SETD1A: variants seen among roughly 807,000 people sequenced by gnomAD.
SETD1A encodes the protein SET domain containing 1A, histone lysine methyltransferase.
Under a neutral mutation model 149.9 loss-of-function variants are expected in SETD1A, and 29 were observed. The observed-to-expected ratio is 0.19, with a 90% CI of 0.14 to 0.26. The LOEUF (loss-of-function observed/expected upper bound fraction) is 0.26, where lower values mean the gene tolerates loss of function less well. Ranked by LOEUF, SETD1A falls within the 10% of genes least tolerant of loss-of-function variation. The probability of loss-of-function intolerance (pLI) is 1.00; values close to 1 mark genes in which losing one functional copy is unlikely to be tolerated. For synonymous variants in SETD1A, 1,141 were observed against 968.5 expected, an observed-to-expected ratio of 1.18 and a Z score of -3.31; for missense variants, 2,109 against 2,353.1, an observed-to-expected ratio of 0.90 and a Z score of 2.15.
chr16:30,958,651 G>A, intron 1 of SETD1A, 66 bp from the exon 2 acceptor site: 1 of 1,407,124 alleles, frequency 7.1e-7, no homozygotes, highest in Admixed American at 1.8e-5. Context: ...GCTAGCCAAT[G>A]AGGAAAGGCA....
At chr16:30,977,148 G>C (rs367973865) in intron 13 of SETD1A, among the ~76,000 whole-genome samples, 2 of 152,200 alleles carry the variant, frequency 1.3e-5, no homozygotes, top group African/African-American at 4.8e-5. Flanking sequence ...ATTTCACCAT[G>C]TTGGTCAGGA....
chr16:30,980,874 TGGGTG>T lies in SETD1A; in HGVS notation c.4692+39_4692+43del. The T allele has an allele frequency of 2.7e-5, 3 of 113,034 alleles. No homozygotes were observed. The highest frequency in any genetic ancestry group is 5.6e-5 in the Non-Finnish European group (3 of 53,410). The allele number at this position is 113,034 out of a possible 1,614,324, so 7.0% of individuals were successfully genotyped here. On this transcript the variant is annotated intron_variant, in intron 16 of 18. Transcript: ENST00000262519. The surrounding 1 kb of genome is among the most constrained non-coding windows in gnomAD (Gnocchi z 7.7). ...GGTGAGGCTGGGCTGCAGGAGGGGCTGGGTGGGGTGGGGTGGGGCAGGAAGGGGCA... is the reference window on the plus strand; with the variant it reads ...GGTGAGGCTGGGCTGCAGGAGGGGCTGGGTGGGGTGGGGCAGGAAGGGGCA...
In SETD1A at chr16:30,979,474, C is replaced by T. The variant is rs775225592; in HGVS notation, c.3688C>T (p.Arg1230Trp). 9.6e-5 allele frequency: 153 copies of T among 1,599,184 alleles called. 1 individual carries two copies. The South Asian group carries it at 1.1e-3, about 11-fold the overall frequency. The change falls in exon 14 of 19, where the codon CGG becomes TGG. Residue 1230 changes from arginine to tryptophan, a missense_variant. Physicochemically the swap from Arg to Trp is moderately radical, Grantham distance 101 (BLOSUM62 -3). Around this residue, in one of 8 missense-constraint regions of SETD1A, gnomAD observed 832 missense variants for 815.6 expected, o/e 1.02. Coordinates refer to ENST00000262519, the MANE Select transcript of SETD1A (RefSeq NM_014712.3). ...SWPEEVSRGG[R>W]SRAGGRGRLT... ...GCCCGAGGAGGTGTCCCGAGGAGGC[C>T]GGAGCCGGGCTGGAGGCCGAGGCCG...
intron 13 of SETD1A, among the ~76,000 whole-genome samples, chr16:30,974,655 T>G (rs565202179): frequency 6.6e-6 from 1 of 152,094 alleles, no homozygotes; most frequent in Non-Finnish European, 1.5e-5. Context: ...TTACAGGGTG[T>G]TAAGGAATGA....
Position 30,966,380 on chromosome 16 carries a change from G to A in SETD1A, c.2499G>A (p.Lys833=), listed in dbSNP as rs576366891. The stretch of plus-strand genomic sequence containing the variant: ...AGTGGTGGGAGAGCAAGGAGGAGAA[G>A]GCCAAGGTGAGGCCAGCGCCTGGGA... The part of the protein sequence containing the change: ...FDQWWESKEE[K]AKPFQNAAKQ... Residue 833 remains lysine, a synonymous_variant, in exon 8 of 19, where the codon AAG becomes AAA. Transcript: ENST00000262519. 6.2e-7 allele frequency: 1 copy of A among 1,606,332 alleles called. No individual in the cohort carries two copies. Among genetic ancestry groups the A allele is most frequent in the South Asian group, 1.1e-5 (1 of 90,322 alleles).
chr16:30,971,355 G>T (rs1257702142), intron 12 of SETD1A, 23 bp from the exon 13 acceptor site: 1 of 1,560,032 alleles, frequency 6.4e-7, no homozygotes, highest in African/African-American at 1.3e-5. Flanking sequence ...CACCTCTCCT[G>T]ACTGCCCCTT....
intron 3 of SETD1A, among the ~76,000 whole-genome samples, chr16:30,959,728 T>G (rs553209051): frequency 6.8e-6 from 1 of 146,014 alleles, no homozygotes; most frequent in Non-Finnish European, 1.5e-5. Context: ...AAATTGTTTG[T>G]GGGGTCCCTT....
In SETD1A at chr16:30,979,892, G is replaced by T; in HGVS notation, c.4106G>T (p.Gly1369Val). ...EEGEEEGEEEGEEEEEESSDS... is the reference protein window; with the variant it reads ...EEGEEEGEEEVEEEEEESSDS... ...GGCGAAGAGGAGGGGGAGGAAGAGG[G>T]GGAGGAAGAGGAGGAGGAGTCCTCT... Residue 1369 changes from glycine (G) to valine (V), a missense_variant, in exon 14 of 19, where the codon GGG (glycine) becomes GTG (valine). This residue lies in a region of SETD1A where 832 missense variants were observed against 815.6 expected (regional missense o/e 1.02). Coordinates refer to ENST00000262519, the MANE Select transcript of SETD1A (RefSeq NM_014712.3). 4 of 1,534,356 alleles carry T rather than the reference G, an allele frequency of 2.6e-6. No homozygotes were observed. The highest frequency in any genetic ancestry group is 3.5e-6 in the Non-Finnish European group (4 of 1,146,224).
At chr16:30,962,397 C>T (rs1242793027) in intron 4 of SETD1A, among the ~76,000 whole-genome samples, 1 of 152,060 alleles carries the variant, frequency 6.6e-6, no homozygotes, top group African/African-American at 2.4e-5. Context: ...TATTCTATAA[C>T]CCATATAGGT....
intron 8 of SETD1A, 29 bp downstream of exon 8, chr16:30,966,415 C>T: frequency 6.4e-7 from 1 of 1,568,834 alleles, no homozygotes; most frequent in Non-Finnish European, 8.6e-7. Flanking sequence ...ACCGGGGAGC[C>T]CTGGGCTTTG....
chr16:30,975,463 T>C (rs1469806705), intron 13 of SETD1A, among the ~76,000 whole-genome samples: 1 of 146,370 alleles, frequency 6.8e-6, no homozygotes, highest in Non-Finnish European at 1.5e-5. Flanking sequence ...TGGAGTCTCA[T>C]TGTGTTACCC....
At chr16:30,968,726 G>A (rs111935720) in intron 10 of SETD1A, among the ~76,000 whole-genome samples, 88 of 151,768 alleles carry the variant, frequency 5.8e-4, no homozygotes, top group African/African-American at 2.0e-3. Flanking sequence ...GCTTGAACCC[G>A]GGAGGCAGAG....
intron 3 of SETD1A, among the ~76,000 whole-genome samples, chr16:30,959,786 G>T (rs2056023995): frequency 6.7e-6 from 1 of 148,564 alleles, no homozygotes; most frequent in African/African-American, 2.5e-5. Flanking sequence ...ACTTCACTTG[G>T]ACAATCTCTT....
chr16:30,969,729 A>AG (rs1204532841), intron 12 of SETD1A, 40 bp downstream of exon 12: 2 of 1,543,976 alleles, frequency 1.3e-6, no homozygotes, highest in Non-Finnish European at 1.8e-6. Flanking sequence ...GGCTCGGAGG[A>AG]GGGGTTCGGC....
intron 2 of SETD1A, 29 bp from the exon 3 acceptor site, chr16:30,959,062 T>C: frequency 6.4e-7 from 1 of 1,555,924 alleles, no homozygotes. Context: ...CACCCTGAGC[T>C]CTCTTTCTGC....
Position 30,980,433 on chromosome 16 carries a change from C to T in SETD1A, c.4409-52C>T. Reference sequence around the variant, plus strand: ...GCGTGGGCCCCGCCCTCTCCTTTGGCTGGGACGCAGGTGGCCAGAGAGGAG... The same window carrying T: ...GCGTGGGCCCCGCCCTCTCCTTTGGTTGGGACGCAGGTGGCCAGAGAGGAG... On this transcript the variant is annotated intron_variant, in intron 14 of 18. Transcript: ENST00000262519. The surrounding 1 kb of genome is among the most constrained non-coding windows in gnomAD (Gnocchi z 7.7). 2 of 1,571,244 alleles carry T rather than the reference C, an allele frequency of 1.3e-6. No homozygotes were observed. The highest frequency in any genetic ancestry group is 1.7e-6 in the Non-Finnish European group (2 of 1,156,244).
chr16:30,978,565 C>G (rs914542778), intron 13 of SETD1A, among the ~76,000 whole-genome samples: 2 of 152,326 alleles, frequency 1.3e-5, no homozygotes, highest in African/African-American at 4.8e-5. Context: ...GTCTCCTGCC[C>G]CTCCCTGCAG....
chr16:30,967,033 A>G lies in SETD1A; in HGVS notation c.2655A>G (p.Arg885=). Residue 885 remains arginine, a synonymous_variant, in exon 9 of 19, where the codon AGA becomes AGG. Transcript: ENST00000262519. ...IEAFAFGSGL[R]GALRLPSFKV... ...CTTTCGCCTTTGGGTCAGGGCTGAG[A>G]GGGGCCCTGCGGCTGCCTTCATTCA... The G allele has an allele frequency of 1.3e-6, 2 of 1,522,384 alleles. No individual in the cohort carries two copies. Among genetic ancestry groups the G allele is most frequent in the Non-Finnish European group, 1.8e-6 (2 of 1,125,100 alleles). 94.3% of individuals were successfully genotyped at this position (1,522,384 alleles called of 1,614,324 possible).
Position 30,965,662 on chromosome 16 carries a change from C to A in SETD1A, c.1781C>A (p.Pro594His). ...TCCGACGACGACCGGGGTGGCTCAC[C>A]CCCTCCGGCCCCGACGCCCCCTCAG... is the stretch of plus-strand genomic sequence containing the variant. ...EISDDDRGGS[P>H]PPAPTPPQQP... The change falls in exon 8 of 19, where the codon CCC becomes CAC. Residue 594 changes from proline to histidine, a missense_variant. By Grantham distance (77) the Pro-to-His change is moderately conservative (BLOSUM62 -2). Around this residue, in one of 8 missense-constraint regions of SETD1A, gnomAD observed 431 missense variants for 388.6 expected, o/e 1.11. Transcript: ENST00000262519. The A allele has an allele frequency of 6.2e-7, 1 of 1,611,708 alleles. No individual in the cohort carries two copies. Among genetic ancestry groups the A allele is most frequent in the Non-Finnish European group, 8.5e-7 (1 of 1,179,232 alleles).
Sources: allele counts gnomAD v4.1 joint callset (sites outside exome capture counted in the v4.1 genomes callset), GRCh38; gene constraint gnomAD v4.1.1; regional missense constraint gnomAD v4.1.1; non-coding constraint Gnocchi (gnomAD v3.1); transcripts MANE v1.5; gene names NCBI Gene and HGNC (gene_info 2026-07-23, HGNC 2026-07-21).